CEP112: variants seen among roughly 807,000 people sequenced by gnomAD.
CEP112 encodes the protein centrosomal protein 112.
A neutral mutation model predicts 153.0 loss-of-function variants in CEP112; 127 were observed. The ratio of observed to expected loss-of-function variants is 0.83; its 90% CI spans 0.72 to 0.96. The LOEUF (loss-of-function observed/expected upper bound fraction) is 0.96. CEP112 is among the 40% of genes least tolerant of loss of function. The pLI, the probability that CEP112 is intolerant of heterozygous loss-of-function variation, is 0.00. For missense variants in CEP112, 1,089 were observed against 1,101.2 expected, an observed-to-expected ratio of 0.99 and a Z score of 0.16; for synonymous variants, 358 against 374.4, an observed-to-expected ratio of 0.96 and a Z score of 0.51.
chr17:65,752,005 C>T (rs564819171), intron 21 of CEP112, among the ~76,000 whole-genome samples: 9 of 128,418 alleles, frequency 7.0e-5, no homozygotes, highest in African/African-American at 2.8e-4. Context: ...TATCTATCTA[C>T]TGTTCCTTTC....
At chr17:65,710,027 A>G (rs1045442164) in intron 23 of CEP112, among the ~76,000 whole-genome samples, 15 of 152,162 alleles carry the variant, frequency 9.9e-5, no homozygotes, top group African/African-American at 3.6e-4. Context: ...TAGGATCTTG[A>G]GCCCTACCCC....
At chr17:65,901,884 G>C (rs1194401378) in intron 20 of CEP112, among the ~76,000 whole-genome samples, 1 of 146,202 alleles carries the variant, frequency 6.8e-6, no homozygotes, top group Non-Finnish European at 1.5e-5. Context: ...AAGGAACTGA[G>C]ACAAGATCAT....
chr17:66,052,303 T>A (rs1282074494), intron 12 of CEP112, among the ~76,000 whole-genome samples: 1 of 152,134 alleles, frequency 6.6e-6, no homozygotes, highest in Non-Finnish European at 1.5e-5. Context: ...AAATTGTAAG[T>A]CAAACCATCG....
chr17:66,156,014 GCA>G (rs2071423526), intron 4 of CEP112, among the ~76,000 whole-genome samples: 1 of 152,214 alleles, frequency 6.6e-6, no homozygotes, highest in South Asian at 2.1e-4. Flanking sequence ...GGATCTCCCA[GCA>G]CAGTGTTTGA....
intron 23 of CEP112, among the ~76,000 whole-genome samples, chr17:65,723,232 A>G (rs2049994953): frequency 6.6e-6 from 1 of 152,240 alleles, no homozygotes; most frequent in African/African-American, 2.4e-5. Flanking sequence ...ATGCCAAAGA[A>G]AAAAAACTGG....
intron 6 of CEP112, among the ~76,000 whole-genome samples, chr17:66,110,172 A>G (rs1322657931): frequency 3.9e-5 from 6 of 152,084 alleles, no homozygotes; most frequent in Non-Finnish European, 1.5e-5. Context: ...ACAAAACAAA[A>G]AAACAAAAAG....
chr17:65,802,561 G>C (rs145575606), intron 21 of CEP112, among the ~76,000 whole-genome samples: 72 of 152,224 alleles, frequency 4.7e-4, no homozygotes, highest in African/African-American at 1.6e-3. Context: ...AGGCACGCTA[G>C]ACTACTCCTT....
chr17:65,930,971 G>A (rs937271391), intron 18 of CEP112, among the ~76,000 whole-genome samples: 1 of 151,908 alleles, frequency 6.6e-6, no homozygotes, highest in Non-Finnish European at 1.5e-5. Flanking sequence ...TATGCTCTAG[G>A]ACTTAACATC....
At chr17:65,897,374 TC>T (rs1165032164) in intron 20 of CEP112, among the ~76,000 whole-genome samples, 100 of 152,284 alleles carry the variant, frequency 6.6e-4, no homozygotes, top group African/African-American at 2.4e-3. Context: ...GGTGTAAGTA[TC>T]TTTTACTCTT....
intron 23 of CEP112, among the ~76,000 whole-genome samples, chr17:65,728,098 C>T (rs939537922): frequency 6.6e-5 from 10 of 152,186 alleles, no homozygotes; most frequent in Admixed American, 4.6e-4. Context: ...CAGGCCACAA[C>T]GTTAAAAGCT....
At chr17:65,954,984 T>G (rs2061955727) in intron 18 of CEP112, among the ~76,000 whole-genome samples, 1 of 152,212 alleles carries the variant, frequency 6.6e-6, no homozygotes, top group South Asian at 2.1e-4. Context: ...GCTAAAGGCC[T>G]AGACATGCAA....
At chr17:65,870,579 T>C (rs1018795429) in intron 20 of CEP112, among the ~76,000 whole-genome samples, 1 of 152,186 alleles carries the variant, frequency 6.6e-6, no homozygotes, top group African/African-American at 2.4e-5. Context: ...ACTGACTGAA[T>C]GACACTGAAA....
At chr17:66,131,507 T>G (rs1459167365) in intron 5 of CEP112, among the ~76,000 whole-genome samples, 1 of 152,154 alleles carries the variant, frequency 6.6e-6, no homozygotes, top group Non-Finnish European at 1.5e-5. Flanking sequence ...TTTGGGAGGC[T>G]GAGGCGGGCG....
intron 4 of CEP112, among the ~76,000 whole-genome samples, chr17:66,142,119 CT>C (rs1281051098): frequency 6.6e-6 from 1 of 152,130 alleles, no homozygotes; most frequent in Non-Finnish European, 1.5e-5. Context: ...TTGCATTTTG[CT>C]GATGATGCGT....
chr17:65,751,259 CAAGTTTT>C (rs899604139), intron 21 of CEP112, among the ~76,000 whole-genome samples: 7 of 152,140 alleles, frequency 4.6e-5, no homozygotes, highest in African/African-American at 1.2e-4. Flanking sequence ...CTAAATCAAA[CAAGTTTT>C]AAGTTTTATG....
At chr17:65,680,876 T>A (rs2047487230) in intron 24 of CEP112, among the ~76,000 whole-genome samples, 1 of 152,062 alleles carries the variant, frequency 6.6e-6, no homozygotes, top group Non-Finnish European at 1.5e-5. Flanking sequence ...AAGAGCCTCT[T>A]ATAAAACCAT....
At chr17:66,049,418 C>G (rs964820366) in intron 12 of CEP112, among the ~76,000 whole-genome samples, 1 of 152,082 alleles carries the variant, frequency 6.6e-6, no homozygotes, top group Non-Finnish European at 1.5e-5. Flanking sequence ...ATTATGAGAA[C>G]AGATGAACTA....
At chr17:65,889,520 A>G (rs1444802977) in intron 20 of CEP112, among the ~76,000 whole-genome samples, 3 of 151,850 alleles carry the variant, frequency 2.0e-5, no homozygotes, top group Non-Finnish European at 4.4e-5. Context: ...CTCTTGACCT[A>G]CCTTCCCACT....
At chr17:65,962,808 T>C (rs1333889272) in intron 17 of CEP112, among the ~76,000 whole-genome samples, 1 of 152,206 alleles carries the variant, frequency 6.6e-6, no homozygotes, top group Non-Finnish European at 1.5e-5. Context: ...GCCATCCATG[T>C]AAGATGTGAC....
Sources: allele counts gnomAD v4.1 joint callset (sites outside exome capture counted in the v4.1 genomes callset), GRCh38; gene constraint gnomAD v4.1.1; transcripts MANE v1.5; gene names NCBI Gene and HGNC (gene_info 2026-07-23, HGNC 2026-07-21).